Variants in DPH6 observed in about 807,000 individuals in gnomAD.
DPH6 encodes the protein diphthine--ammonia ligase.
A neutral mutation model predicts 38.2 loss-of-function variants in DPH6; 33 were observed. That is an observed-to-expected ratio of 0.86 (90% confidence interval 0.65 to 1.15). The LOEUF (loss-of-function observed/expected upper bound fraction) is 1.15, where lower values mean the gene tolerates loss of function less well. DPH6 is among the 50% of genes most tolerant of loss of function. DPH6 has a pLI of 0.00. For synonymous variants in DPH6, 108 were observed against 103.0 expected (o/e 1.05, Z -0.30); for missense variants, 325 against 320.0 (o/e 1.02, Z -0.12).
intron 3 of DPH6, among the ~76,000 whole-genome samples, chr15:35,262,072 G>A (rs188791625): frequency 2.0e-5 from 3 of 152,030 alleles, no homozygotes; most frequent in African/African-American, 7.3e-5. Context: ...TTACTACTTC[G>A]GGAGTTCTGT....
At chr15:35,417,459 T>C (rs1163516657) in intron 5 of DPH6, among the ~76,000 whole-genome samples, 2 of 152,038 alleles carry the variant, frequency 1.3e-5, no homozygotes, top group Non-Finnish European at 2.9e-5. Context: ...CAATAAAATA[T>C]ATTTCTCAAT....
intron 3 of DPH6, among the ~76,000 whole-genome samples, chr15:35,465,376 T>C (rs2054114581): frequency 6.6e-6 from 1 of 152,206 alleles, no homozygotes; most frequent in Non-Finnish European, 1.5e-5. Flanking sequence ...GGACTTCTGG[T>C]AACACAACAT....
chr15:35,481,775 C>T (rs1293763314), intron 3 of DPH6, among the ~76,000 whole-genome samples: 3 of 151,912 alleles, frequency 2.0e-5, no homozygotes, highest in Non-Finnish European at 4.4e-5. Context: ...CTAATAAGTA[C>T]CTGGGGGCTA....
At position 35,542,591 on chromosome 15, in the gene DPH6, T is replaced by C. The variant is rs537273189; in HGVS notation, c.24-84A>G. ...AATCACTAGATATCAAAACAGAACA[T>C]ATCATTTACTTGACTCTTCAGAATA... is the stretch of plus-strand genomic sequence containing the variant. On this transcript the variant is annotated intron_variant, in intron 1 of 8. Coordinates refer to ENST00000256538, the MANE Select transcript of DPH6 (RefSeq NM_080650.4). 4.0e-4 allele frequency: 490 copies of C among 1,239,506 alleles called. 1 individual carries two copies. The highest frequency in any genetic ancestry group is 1.7e-4 in the Non-Finnish European group (147 of 871,368). 76.8% of individuals were successfully genotyped at this position (1,239,506 alleles called of 1,614,324 possible). A position where few individuals can be genotyped will look rare whatever the true frequency, so the allele number is the denominator to read the frequency against.
chr15:35,373,687 A>G, intron 7 of DPH6, 79 bp from the exon 8 acceptor site: 2 of 1,099,608 alleles, frequency 1.8e-6, no homozygotes, highest in Middle Eastern at 2.7e-4. Context: ...ACTAGAAGAG[A>G]CTAAACATTC....
At chr15:35,376,987 CAT>C (rs955357924) in intron 7 of DPH6, among the ~76,000 whole-genome samples, 22 of 152,114 alleles carry the variant, frequency 1.4e-4, no homozygotes, top group African/African-American at 5.3e-4. Context: ...CATATATAAA[CAT>C]ATTCATATAT....
the DPH6 span, among the ~76,000 whole-genome samples, chr15:35,195,947 CA>C: frequency 6.6e-6 from 1 of 151,926 alleles, no homozygotes; most frequent in African/African-American, 2.4e-5. Context: ...CAGGGAGAGA[CA>C]AAAGAACTTA....
intron 3 of DPH6, among the ~76,000 whole-genome samples, chr15:35,461,174 T>G (rs1479338307): frequency 6.6e-6 from 1 of 152,204 alleles, no homozygotes; most frequent in East Asian, 1.9e-4. Context: ...AACCTCCGCC[T>G]GCCGGGTTCA....
intron 3 of DPH6, among the ~76,000 whole-genome samples, chr15:35,524,506 A>G (rs1323302164): frequency 6.6e-6 from 1 of 152,168 alleles, no homozygotes; most frequent in African/African-American, 2.4e-5. Flanking sequence ...CTATATATGT[A>G]CTGTAATATA....
intron 3 of DPH6, among the ~76,000 whole-genome samples, chr15:35,292,771 T>A (rs552211180): frequency 1.4e-4 from 21 of 152,328 alleles, no homozygotes; most frequent in African/African-American, 4.1e-4. Flanking sequence ...TACTTTTTTT[T>A]AAAAGTGAAC....
At chr15:35,290,726 T>C (rs1436014380) in intron 3 of DPH6, among the ~76,000 whole-genome samples, 2 of 152,116 alleles carry the variant, frequency 1.3e-5, no homozygotes, top group African/African-American at 4.8e-5. Context: ...TTTCTGCCAC[T>C]TAAAGCATCC....
chr15:35,165,477 GT>G, the DPH6 span, among the ~76,000 whole-genome samples: 1 of 151,804 alleles, frequency 6.6e-6, no homozygotes, highest in African/African-American at 2.4e-5. Context: ...AAAGCTCTCT[GT>G]TTTTTACATT....
chr15:35,507,079 A>G (rs973928373), intron 3 of DPH6, among the ~76,000 whole-genome samples: 13 of 152,126 alleles, frequency 8.5e-5, no homozygotes, highest in African/African-American at 3.1e-4. Flanking sequence ...TACAAACAAA[A>G]TACTTTCTTA....
intron 5 of DPH6, among the ~76,000 whole-genome samples, chr15:35,428,455 G>C (rs1036465034): frequency 6.6e-6 from 1 of 151,994 alleles, no homozygotes; most frequent in Non-Finnish European, 1.5e-5. Flanking sequence ...AGCTAAAACA[G>C]TTCTACACAC....
At chr15:35,505,466 T>C (rs775770771) in intron 3 of DPH6, among the ~76,000 whole-genome samples, 5 of 152,078 alleles carry the variant, frequency 3.3e-5, no homozygotes, top group Non-Finnish European at 7.4e-5. Flanking sequence ...GTCAATTAAA[T>C]TTGTCTTATT....
intron 3 of DPH6, among the ~76,000 whole-genome samples, chr15:35,490,863 A>T (rs1341763731): frequency 6.6e-6 from 1 of 152,144 alleles, no homozygotes; most frequent in Non-Finnish European, 1.5e-5. Context: ...AAGTTTATTC[A>T]GCTCAAGGTT....
chr15:35,488,443 G>A (rs969957643), intron 3 of DPH6, among the ~76,000 whole-genome samples: 4 of 152,186 alleles, frequency 2.6e-5, no homozygotes, highest in African/African-American at 9.7e-5. Context: ...TCAAAACTTA[G>A]AATCACAGTG....
At chr15:35,537,139 A>G (rs2055181737) in intron 3 of DPH6, among the ~76,000 whole-genome samples, 1 of 152,180 alleles carries the variant, frequency 6.6e-6, no homozygotes, top group African/African-American at 2.4e-5. Context: ...TTTTCAAATC[A>G]AAATCCTTAA....
chr15:35,426,822 T>A (rs1172601384), intron 5 of DPH6, among the ~76,000 whole-genome samples: 1 of 150,904 alleles, frequency 6.6e-6, no homozygotes, highest in Non-Finnish European at 1.5e-5. Flanking sequence ...ATATATATAC[T>A]GTGACATTAT....
Sources: allele counts gnomAD v4.1 joint callset (sites outside exome capture counted in the v4.1 genomes callset), GRCh38; gene constraint gnomAD v4.1.1; transcripts MANE v1.5; gene names NCBI Gene and HGNC (gene_info 2026-07-23, HGNC 2026-07-21).